Variants in NUP153 observed in about 807,000 individuals in gnomAD.
NUP153 encodes nuclear pore complex protein Nup153.
NUP153 carries 27 observed loss-of-function variants against 134.6 expected under a neutral mutation model. The ratio of observed to expected loss-of-function variants is 0.20; its 90% CI spans 0.15 to 0.28. The LOEUF (loss-of-function observed/expected upper bound fraction) is 0.28. Among genes scored for constraint, NUP153 ranks in the 10% least tolerant of loss-of-function variants. The pLI, the probability that NUP153 is intolerant of heterozygous loss-of-function variation, is 1.00. For synonymous variants in NUP153, 640 were observed against 623.5 expected (o/e 1.03, Z -0.40); for missense variants, 1,821 against 1,731.3 (o/e 1.05, Z -0.92).
At chr6:17,699,135 G>A (rs1197490246) in intron 1 of NUP153, among the ~76,000 whole-genome samples, 1 of 151,862 alleles carries the variant, frequency 6.6e-6, no homozygotes, top group Non-Finnish European at 1.5e-5. Context: ...CAACACAGAA[G>A]AATCTTTTAA....
intron 2 of NUP153, among the ~76,000 whole-genome samples, chr6:17,678,073 G>A (rs913077593): frequency 5.9e-5 from 9 of 151,696 alleles, no homozygotes; most frequent in African/African-American, 2.2e-4. Flanking sequence ...ATATGATTCT[G>A]GGCTGGGCAC....
chr6:17,702,949 C>A (rs1316106024), intron 1 of NUP153, among the ~76,000 whole-genome samples: 1 of 152,020 alleles, frequency 6.6e-6, no homozygotes, highest in Non-Finnish European at 1.5e-5. Flanking sequence ...CCTGTAATAC[C>A]AGCACTTTTG....
At chr6:17,618,786 TCG>T in intron 20 of NUP153, among the ~76,000 whole-genome samples, 1 of 152,272 alleles carries the variant, frequency 6.6e-6, no homozygotes. Context: ...CAGGATGGTC[TCG>T]ATATCCTGAC....
chr6:17,689,657 C>T (rs897819591), intron 1 of NUP153, among the ~76,000 whole-genome samples: 2 of 151,682 alleles, frequency 1.3e-5, no homozygotes, highest in African/African-American at 2.4e-5. Flanking sequence ...CTGCCTCAGC[C>T]TCCCAATTAG....
At chr6:17,620,373 G>T (rs1487226331) in intron 20 of NUP153, among the ~76,000 whole-genome samples, 7 of 152,140 alleles carry the variant, frequency 4.6e-5, no homozygotes, top group Admixed American at 4.6e-4. Context: ...CGACAATGAT[G>T]ACAAGAACAC....
At chr6:17,677,289 A>T (rs1768276058) in intron 2 of NUP153, among the ~76,000 whole-genome samples, 1 of 152,142 alleles carries the variant, frequency 6.6e-6, no homozygotes, top group Non-Finnish European at 1.5e-5. Flanking sequence ...GCCTGCTAAA[A>T]ACAAGAACCA....
chr6:17,667,396 T>C (rs180929655), intron 8 of NUP153, among the ~76,000 whole-genome samples: 113 of 152,312 alleles, frequency 7.4e-4, no homozygotes, highest in African/African-American at 2.5e-3. Context: ...TTTGAGGAAC[T>C]TGGTATTCCA....
chr6:17,645,727 A>T (rs1766131612), intron 14 of NUP153, among the ~76,000 whole-genome samples: 1 of 152,080 alleles, frequency 6.6e-6, no homozygotes, highest in Admixed American at 6.6e-5. Flanking sequence ...ATCTACTACA[A>T]CTATAATGTA....
chr6:17,632,611 G>A (rs1281792151), intron 17 of NUP153, 39 bp downstream of exon 17: 8 of 1,513,750 alleles, frequency 5.3e-6, no homozygotes, highest in South Asian at 2.5e-5. Flanking sequence ...ACAAAAAGGC[G>A]CTTTACCATC....
At chr6:17,620,097 A>C (rs1235611123) in intron 20 of NUP153, among the ~76,000 whole-genome samples, 1 of 45,936 alleles carries the variant, frequency 2.2e-5, no homozygotes, top group African/African-American at 6.0e-5. Context: ...GACACCATCA[A>C]AAAAAAAAAA....
intron 1 of NUP153, among the ~76,000 whole-genome samples, chr6:17,697,547 C>T (rs56091523): frequency 2.6e-5 from 4 of 152,062 alleles, no homozygotes; most frequent in South Asian, 2.1e-4. Flanking sequence ...ATTAGCCAGG[C>T]GTGGTGGCAG....
rs772805488 is a variant in NUP153, at chr6:17,661,780, C to T, written c.1269-1G>A. 10 of 1,610,046 alleles carry T rather than the reference C, an allele frequency of 6.2e-6. No homozygotes were observed. Among genetic ancestry groups the T allele is most frequent in the Non-Finnish European group, 8.5e-6 (10 of 1,178,890 alleles). On this transcript the variant is annotated splice_acceptor_variant, in intron 10 of 21. Coordinates refer to ENST00000262077, the MANE Select transcript of NUP153 (RefSeq NM_005124.4). LOFTEE classifies it high-confidence loss of function. ...ACTGAAATTTGGATATGAAAAGCCA[C>T]TGGCAAATAAAAAGAAAATTAAAAC...
chr6:17,671,324 T>C (rs1162699137), intron 5 of NUP153, among the ~76,000 whole-genome samples: 1 of 152,194 alleles, frequency 6.6e-6, no homozygotes, highest in East Asian at 1.9e-4. Flanking sequence ...TCATAAAAGG[T>C]ACTGGGAAGT....
chr6:17,677,878 C>T (rs1334500219), intron 2 of NUP153, among the ~76,000 whole-genome samples: 1 of 151,942 alleles, frequency 6.6e-6, no homozygotes, highest in Non-Finnish European at 1.5e-5. Context: ...CTGACTACTG[C>T]TTAAATAAGA....
intron 17 of NUP153, 71 bp downstream of exon 17, chr6:17,632,579 T>A (rs760268398): frequency 2.6e-6 from 3 of 1,159,832 alleles, no homozygotes; most frequent in Non-Finnish European, 3.7e-6. Flanking sequence ...TGTTCTCAAA[T>A]ACTTCATTTT....
chr6:17,622,783 T>C (rs768068051), intron 20 of NUP153, among the ~76,000 whole-genome samples: 57 of 152,114 alleles, frequency 3.7e-4, no homozygotes, highest in Non-Finnish European at 6.0e-4. Flanking sequence ...GGCTCAGCAA[T>C]AATCAGCATT....
intron 1 of NUP153, among the ~76,000 whole-genome samples, chr6:17,699,191 T>C (rs1769877238): frequency 1.1e-4 from 1 of 9,228 alleles, no homozygotes; most frequent in South Asian, 9.8e-3. Context: ...TACAAATAAT[T>C]TTTTTTTTTT....
intron 5 of NUP153, among the ~76,000 whole-genome samples, chr6:17,671,279 T>C (rs1767893515): frequency 6.6e-6 from 1 of 152,200 alleles, no homozygotes; most frequent in Non-Finnish European, 1.5e-5. Flanking sequence ...CTAATGTCTT[T>C]GTCTGATTTT....
intron 1 of NUP153, among the ~76,000 whole-genome samples, chr6:17,701,013 G>A (rs1770023692): frequency 1.3e-5 from 2 of 152,004 alleles, no homozygotes; most frequent in Admixed American, 1.3e-4. Context: ...ATCACTTGAG[G>A]TCGGGAGTTC....
Sources: gnomAD v4.1 joint callset for allele counts (sites outside exome capture counted in the v4.1 genomes callset) on GRCh38, gnomAD v4.1.1 for gene constraint, MANE v1.5 for transcripts, NCBI Gene and HGNC (gene_info 2026-07-23, HGNC 2026-07-21) for gene names.